Variants in PDZD2 observed in about 807,000 individuals in gnomAD.
PDZD2 encodes the protein PDZ domain containing 2, also known as PDZ domain-containing protein 2.
A neutral mutation model predicts 220.7 loss-of-function variants in PDZD2; 90 were observed. The ratio of observed to expected loss-of-function variants is 0.41; its 90% CI spans 0.34 to 0.49. The LOEUF is 0.49. Ranked by LOEUF, PDZD2 falls within the 20% of genes least tolerant of loss-of-function variation. PDZD2 has a pLI of 0.28. For missense variants in PDZD2, 3,174 were observed against 3,608.5 expected, an observed-to-expected ratio of 0.88 and a Z score of 3.08; for synonymous variants, 1,375 against 1,450.5, an observed-to-expected ratio of 0.95 and a Z score of 1.18.
chr5:31,757,537 AGCCGAGATTGC>A lies in PDZD2; in HGVS notation c.-360-41348_-360-41338del, dbSNP rs1486610116. Reference sequence around the variant, plus strand: ...AACCTGAGAGGCGGAGCTTGCAGTGAGCCGAGATTGCGCCAGTGCACTCCAGCCTGGGAGAC... The same window carrying A: ...AACCTGAGAGGCGGAGCTTGCAGTGAGCCAGTGCACTCCAGCCTGGGAGAC... On this transcript the variant is annotated intron_variant, in intron 1 of 24. Transcript: ENST00000438447. Among the ~76,000 whole-genome samples the A allele has an allele frequency of 7.2e-5, 11 of 151,924 alleles. No homozygotes were observed. In the East Asian group the frequency reaches 2.1e-3, roughly 29 times the overall value.
At chr5:32,069,786 T>G in intron 15 of PDZD2, 136 bp downstream of exon 15, 1 of 614,128 alleles carries the variant, frequency 1.6e-6, no homozygotes, top group Non-Finnish European at 3.0e-6. Flanking sequence ...AAAGACAGTC[T>G]ATGCTTTCTC....
intron 1 of PDZD2, among the ~76,000 whole-genome samples, chr5:31,753,223 C>T (rs528236532): frequency 1.3e-5 from 2 of 152,158 alleles, no homozygotes; most frequent in East Asian, 1.9e-4. Flanking sequence ...TTCTTCATAA[C>T]GCTCTTTAAG....
chr5:31,891,516 T>C (rs10472793), intron 2 of PDZD2, among the ~76,000 whole-genome samples: 1,539 of 152,094 alleles, frequency 0.01, 17 homozygotes, highest in African/African-American at 0.035. Flanking sequence ...GGTTTCTCCA[T>C]GTTGGTCAGG....
intron 2 of PDZD2, chr5:31,847,488 A>G: frequency 1.6e-6 from 1 of 622,236 alleles, no homozygotes; most frequent in South Asian, 1.5e-5. Context: ...GGGATATGAT[A>G]GTCTGCACAG....
intron 2 of PDZD2, among the ~76,000 whole-genome samples, chr5:31,806,045 T>C (rs62350751): frequency 2.0e-5 from 3 of 152,182 alleles, no homozygotes; most frequent in Non-Finnish European, 4.4e-5. Flanking sequence ...TAAATCCCTG[T>C]TGCTTAAGCC....
At chr5:31,779,975 G>A (rs1335379183) in intron 1 of PDZD2, among the ~76,000 whole-genome samples, 3 of 152,168 alleles carry the variant, frequency 2.0e-5, no homozygotes, top group African/African-American at 7.2e-5. Flanking sequence ...TTCGCTAGAG[G>A]ATTGAAGACG....
intron 14 of PDZD2, among the ~76,000 whole-genome samples, chr5:32,064,249 TTC>T (rs1491382691): frequency 6.6e-6 from 1 of 151,940 alleles, no homozygotes; most frequent in African/African-American, 2.4e-5. Flanking sequence ...TTTTTTTTTT[TTC>T]TCTTTTTTGA....
At chr5:31,664,484 A>G (rs1745904473) in intron 1 of PDZD2, among the ~76,000 whole-genome samples, 1 of 151,670 alleles carries the variant, frequency 6.6e-6, no homozygotes, top group South Asian at 2.1e-4. Context: ...ACACAGGCGC[A>G]TGCATGCGTA....
At chr5:32,100,807 C>T in intron 23 of PDZD2, 1 of 1,176,882 alleles carries the variant, frequency 8.5e-7, no homozygotes, top group Non-Finnish European at 1.2e-6. Flanking sequence ...AACAAGAGCA[C>T]TTTGCTTTCT....
intron 6 of PDZD2, among the ~76,000 whole-genome samples, chr5:32,021,004 G>A (rs955283015): frequency 6.6e-6 from 1 of 151,512 alleles, no homozygotes; most frequent in African/African-American, 2.4e-5. Context: ...TGGGTGCCGG[G>A]GGGAAAAAAA....
chr5:31,919,983 G>A lies in PDZD2; in HGVS notation c.477-63172G>A, dbSNP rs1744068075. ...TGCAGTGAGCTATGACTGTGCCACT[G>A]CATTCTGGCCTGGGTGACAGAGCAA... On this transcript the variant is annotated intron_variant, in intron 2 of 24. Coordinates refer to ENST00000438447, the MANE Select transcript of PDZD2 (RefSeq NM_178140.4). Among the ~76,000 whole-genome samples, 3 of 152,186 alleles carry A rather than the reference G, an allele frequency of 2.0e-5. No homozygotes were observed. In the South Asian group the frequency reaches 6.2e-4, roughly 32 times the overall value.
rs1752605151 is a variant in PDZD2, at chr5:32,003,954, C to A, written c.1254+3683C>A. On this transcript the variant is annotated intron_variant, in intron 5 of 24. Coordinates refer to ENST00000438447, the MANE Select transcript of PDZD2 (RefSeq NM_178140.4). ...CTTAAACTCCTGACCTCAGGTGATC[C>A]ACCCACCTTGGCCTCCCAAAGTGCT... is the stretch of plus-strand genomic sequence containing the variant. 4.6e-5 allele frequency among the ~76,000 whole-genome samples: 7 copies of A among 152,158 alleles called. No individual in the cohort carries two copies. The South Asian group carries it at 1.4e-3, about 32-fold the overall frequency.
intron 1 of PDZD2, among the ~76,000 whole-genome samples, chr5:31,775,158 G>T (rs1327417991): frequency 6.6e-6 from 1 of 152,184 alleles, no homozygotes; most frequent in Non-Finnish European, 1.5e-5. Context: ...CTTTTCAAAA[G>T]TTGTCTTTCT....
rs62350744 is a variant in PDZD2 at position 31,791,552 on chromosome 5, T to C, written c.-360-7337T>C. ...CTATGGTGAGCCGAGATCGTGCCAT[T>C]GCACTCCAGCCTGGGCAACAAGAGA... On this transcript the variant is annotated intron_variant, in intron 1 of 24. Coordinates refer to ENST00000438447, the MANE Select transcript of PDZD2 (RefSeq NM_178140.4). Among the ~76,000 whole-genome samples, 803 of 130,600 alleles carry C rather than the reference T, an allele frequency of 6.1e-3. 7 individuals carry two copies. Among genetic ancestry groups the C allele is most frequent in the Non-Finnish European group, 6.9e-3 (450 of 65,128 alleles). 85.7% of individuals were successfully genotyped at this position (130,600 alleles called of 152,430 possible). A position where few individuals can be genotyped will look rare whatever the true frequency, so the allele number is the denominator to read the frequency against.
chr5:31,871,728 C>T (rs928665009), intron 2 of PDZD2, among the ~76,000 whole-genome samples: 3 of 152,214 alleles, frequency 2.0e-5, no homozygotes, highest in African/African-American at 7.2e-5. Flanking sequence ...GGATTACAGG[C>T]ATGAGCCACT....
intron 6 of PDZD2, among the ~76,000 whole-genome samples, chr5:32,014,658 A>C (rs1057281766): frequency 2.7e-5 from 4 of 148,640 alleles, no homozygotes; most frequent in Non-Finnish European, 4.4e-5. Flanking sequence ...CCTGATTGGC[A>C]GTTCTTCTCC....
intron 2 of PDZD2, among the ~76,000 whole-genome samples, chr5:31,904,980 C>T (rs1742506466): frequency 6.7e-6 from 1 of 150,248 alleles, no homozygotes; most frequent in Non-Finnish European, 1.5e-5. Context: ...TGTTCTTTTG[C>T]TTTTTGGAGA....
At chr5:31,834,459 T>A (rs947567458) in intron 2 of PDZD2, among the ~76,000 whole-genome samples, 11 of 152,194 alleles carry the variant, frequency 7.2e-5, no homozygotes, top group Non-Finnish European at 1.6e-4. Context: ...TTATGAACAC[T>A]CTTCCCCCCA....
intron 2 of PDZD2, among the ~76,000 whole-genome samples, chr5:31,801,595 G>A (rs567908825): frequency 1.3e-5 from 2 of 152,254 alleles, no homozygotes; most frequent in African/African-American, 4.8e-5. Flanking sequence ...GCAGGAGGAC[G>A]AAGTAGTCAG....
Sources: gnomAD v4.1 joint callset for allele counts (sites outside exome capture counted in the v4.1 genomes callset) on GRCh38, gnomAD v4.1.1 for gene constraint, MANE v1.5 for transcripts, NCBI Gene and HGNC (gene_info 2026-07-23, HGNC 2026-07-21) for gene names.